FAM120C: variants seen among roughly 807,000 people sequenced by gnomAD.
FAM120C encodes the protein constitutive coactivator of PPAR-gamma-like protein 2.
FAM120C carries 14 observed loss-of-function variants against 71.2 expected under a neutral mutation model. That is an observed-to-expected ratio of 0.20 (90% CI 0.13 to 0.31). The LOEUF (loss-of-function observed/expected upper bound fraction) is 0.31, where lower values mean the gene tolerates loss of function less well. Ranked by LOEUF, FAM120C falls within the 10% of genes least tolerant of loss-of-function variation. The pLI is 1.00. For missense variants in FAM120C, 500 were observed against 879.0 expected, an observed-to-expected ratio of 0.57 and a Z score of 5.45; for synonymous variants, 354 against 353.2, an observed-to-expected ratio of 1.00 and a Z score of -0.03.
chrX:54,094,468 T>G (rs2066840213), intron 10 of FAM120C, among the ~76,000 whole-genome samples: 1 of 109,335 alleles, frequency 9.1e-6, no homozygotes. Flanking sequence ...AGTTTGCTAA[T>G]CTTTAGAATG....
chrX:54,157,909 CTG>C, intron 2 of FAM120C, 138 bp from the exon 3 acceptor site: 1 of 439,476 alleles, frequency 2.3e-6, no homozygotes, highest in East Asian at 3.8e-5. Flanking sequence ...TACAGTAGTT[CTG>C]TGTTGATCAC....
intron 4 of FAM120C, chrX:54,147,355 G>A (rs1557132513): frequency 9.0e-6 from 1 of 111,155 alleles, no homozygotes; most frequent in South Asian, 3.8e-4. Context: ...AAAACAGAAA[G>A]TAGAAGTGAG....
intron 9 of FAM120C, among the ~76,000 whole-genome samples, chrX:54,131,821 G>A (rs1397614233): frequency 1.1e-4 from 12 of 107,460 alleles, no homozygotes; most frequent in Admixed American, 3.0e-4. Flanking sequence ...GAGTGCAGTG[G>A]AGCAATCTCG....
At position 54,132,696 on chromosome X, in the gene FAM120C, C is replaced by A; in HGVS notation, c.2058G>T (p.Val686=). 8.3e-7 allele frequency: 1 copy of A among 1,200,824 alleles called. No homozygotes were observed. Among genetic ancestry groups the A allele is most frequent in the Non-Finnish European group, 1.1e-6 (1 of 890,654 alleles). The part of the protein sequence containing the change: ...ERLAMRRRLP[V]EVPSVILKEW... ...CATAGCTAGAACTACACTTACCTTC[C>A]ACAGGCAGCCGCCGTCGCATGGCCA... Residue 686 remains valine, a synonymous_variant, in exon 9 of 16, where the codon GTG becomes GTT. Coordinates refer to ENST00000375180, the MANE Select transcript of FAM120C (RefSeq NM_017848.6).
chrX:54,164,161 G>A (rs1257112625), intron 1 of FAM120C, among the ~76,000 whole-genome samples: 12 of 110,866 alleles, frequency 1.1e-4, no homozygotes, highest in Non-Finnish European at 1.9e-4. Flanking sequence ...CGAACTCCTG[G>A]CCTCAGGTGA....
chrX:54,071,753 C>G lies in FAM120C; in HGVS notation c.*1280G>C, dbSNP rs1386405387. 9.0e-6 allele frequency: 1 copy of G among 111,248 alleles called. No individual in the cohort carries two copies. The highest frequency in any genetic ancestry group is 1.9e-5 in the Non-Finnish European group (1 of 53,044). The allele number at this position is 111,248 out of a possible 1,213,427, so 9.2% of individuals were successfully genotyped here. On this transcript the variant is annotated 3_prime_UTR_variant, in exon 16 of 16. Coordinates refer to ENST00000375180, the MANE Select transcript of FAM120C (RefSeq NM_017848.6). ...CAACCCAAGAGTTTATTGTTCTGAA[C>G]AGGCAATTTCTGGAAAGTACTTTTT...
intron 1 of FAM120C, among the ~76,000 whole-genome samples, chrX:54,176,366 G>A (rs1416398295): frequency 9.4e-6 from 1 of 106,572 alleles, no homozygotes; most frequent in African/African-American, 3.5e-5. Context: ...CCAGGAGGTG[G>A]AGGTTGTAAT....
chrX:54,078,838 G>A (rs2066749292), intron 15 of FAM120C, among the ~76,000 whole-genome samples: 1 of 110,204 alleles, frequency 9.1e-6, no homozygotes, highest in African/African-American at 3.3e-5. Flanking sequence ...AGGACCAGTG[G>A]GAACTGTGAT....
chrX:54,180,580 C>T (rs1484596923), intron 1 of FAM120C, among the ~76,000 whole-genome samples: 2 of 111,881 alleles, frequency 1.8e-5, no homozygotes, highest in African/African-American at 6.5e-5. Context: ...AAGAGTTTAG[C>T]TGAGTGGGGA....
chrX:54,178,588 C>CAATA (rs1557136947), intron 1 of FAM120C, among the ~76,000 whole-genome samples: 2 of 111,913 alleles, frequency 1.8e-5, no homozygotes, highest in Non-Finnish European at 1.9e-5. Flanking sequence ...ACCTTGCAAG[C>CAATA]TCTTGAGGAT....
rs191605754 is a variant in FAM120C at position 54,129,951 on chromosome X, G to T, written c.2062+2741C>A. ...AGGAGAATCAGGCAGGGAGGTTGCA[G>T]TGAGCCGAGATGGCAACAGTACAGT... On this transcript the variant is annotated intron_variant, in intron 9 of 15. Transcript: ENST00000375180. Among the ~76,000 whole-genome samples the T allele has an allele frequency of 2.1e-3, 226 of 108,693 alleles. 2 individuals carry two copies. The Middle Eastern group carries it at 0.051, about 25-fold the overall frequency. 94.4% of individuals were successfully genotyped at this position (108,693 alleles called of 115,157 possible).
rs1276291593 is a variant in FAM120C at position 54,072,812 on chromosome X, C to T, written c.*221G>A. Reference sequence around the variant, plus strand: ...AATTTGAGACTAGGACCTAGTCTTACTGCCATTCATCTTTGACCAGAACTT... The same window carrying T: ...AATTTGAGACTAGGACCTAGTCTTATTGCCATTCATCTTTGACCAGAACTT... On this transcript the variant is annotated 3_prime_UTR_variant, in exon 16 of 16. Transcript: ENST00000375180. The T allele has an allele frequency of 5.4e-6, 2 of 372,484 alleles. No homozygotes were observed. The highest frequency in any genetic ancestry group is 9.2e-6 in the Non-Finnish European group (2 of 217,693). The allele number at this position is 372,484 out of a possible 1,213,427, so 30.7% of individuals were successfully genotyped here. A position where few individuals can be genotyped will look rare whatever the true frequency, so the allele number is the denominator to read the frequency against.
rs946193456 is a variant in FAM120C at position 54,105,147 on chromosome X, C to T, written c.2312+11398G>A. ...CCAATATCCCTGATGAACATCGATGCGAAAATCGTCAAGAAAATACTGGCA... is the reference window on the plus strand; with the variant it reads ...CCAATATCCCTGATGAACATCGATGTGAAAATCGTCAAGAAAATACTGGCA... On this transcript the variant is annotated intron_variant, in intron 10 of 15. Coordinates refer to ENST00000375180, the MANE Select transcript of FAM120C (RefSeq NM_017848.6). Among the ~76,000 whole-genome samples, 8 of 111,391 alleles carry T rather than the reference C, an allele frequency of 7.2e-5. No homozygotes were observed. In the South Asian group the frequency reaches 1.1e-3, roughly 16 times the overall value.
intron 10 of FAM120C, among the ~76,000 whole-genome samples, chrX:54,107,283 G>A (rs953285577): frequency 1.8e-5 from 2 of 108,773 alleles, no homozygotes; most frequent in African/African-American, 3.3e-5. Flanking sequence ...TTTTACTAGC[G>A]ACGGGGTTTC....
chrX:54,133,893 C>T lies in FAM120C; in HGVS notation c.1770G>A (p.Arg590=), dbSNP rs1165624088. ...HIPSLLSMST[R]NHMDITIPPL... is the part of the protein sequence containing the mutation. ...GTGGAATGGTGATATCCATGTGGTT[C>T]CTTGTAGACATAGACAGCAGAGATG... is the stretch of plus-strand genomic sequence containing the variant. The change falls in exon 8 of 16, where the codon AGG becomes AGA. Residue 590 remains arginine (R), a synonymous_variant. Coordinates refer to ENST00000375180, the MANE Select transcript of FAM120C (RefSeq NM_017848.6). The T allele has an allele frequency of 3.3e-6, 4 of 1,209,629 alleles. No homozygotes were observed. The highest frequency in any genetic ancestry group is 4.5e-6 in the Non-Finnish European group (4 of 895,187).
Position 54,071,193 on chromosome X carries a change from C to T in FAM120C, c.*1840G>A, listed in dbSNP as rs1490947916. The T allele has an allele frequency of 8.9e-6, 1 of 112,070 alleles. No homozygotes were observed. The highest frequency in any genetic ancestry group is 2.8e-4 in the East Asian group (1 of 3,561). 9.2% of individuals were successfully genotyped at this position (112,070 alleles called of 1,213,427 possible). On this transcript the variant is annotated 3_prime_UTR_variant, in exon 16 of 16. Transcript: ENST00000375180. ...GCTAATTTATTGCAAGCCATGTTTC[C>T]CTCCCTCATAGTTAGGCTGCCCAAG...
In FAM120C at chrX:54,159,702, A is replaced by G. The variant is rs1266955802; in HGVS notation, c.700-86T>C. The G allele has an allele frequency of 3.0e-6, 3 of 997,886 alleles. No homozygotes were observed. In the East Asian group the frequency reaches 9.7e-5, roughly 32 times the overall value. The allele number at this position is 997,886 out of a possible 1,213,427, so 82.2% of individuals were successfully genotyped here. Reference sequence around the variant, plus strand: ...AGGAGGTTTAGCAACTAAATTTTATAGTTTGGTGAAATTTGAAATTGTACG... The same window carrying G: ...AGGAGGTTTAGCAACTAAATTTTATGGTTTGGTGAAATTTGAAATTGTACG... On this transcript the variant is annotated intron_variant, in intron 1 of 15. Transcript: ENST00000375180.
intron 4 of FAM120C, among the ~76,000 whole-genome samples, chrX:54,141,245 G>A (rs2067124741): frequency 9.0e-6 from 1 of 111,491 alleles, no homozygotes; most frequent in Non-Finnish European, 1.9e-5. Flanking sequence ...TATCCCTCAT[G>A]AAAATAAATG....
intron 1 of FAM120C, among the ~76,000 whole-genome samples, chrX:54,178,800 T>C (rs2067332116): frequency 8.9e-6 from 1 of 111,912 alleles, no homozygotes; most frequent in Non-Finnish European, 1.9e-5. Context: ...CAAAATGGTA[T>C]CTGTTCTCAA....
Sources: allele counts gnomAD v4.1 joint callset (sites outside exome capture counted in the v4.1 genomes callset), GRCh38; gene constraint gnomAD v4.1.1; transcripts MANE v1.5; gene names NCBI Gene and HGNC (gene_info 2026-07-23, HGNC 2026-07-21).